The following TENM2 variants were observed in gnomAD, a reference collection of about 807,000 sequenced individuals.
TENM2 encodes teneurin-2.
Under a neutral mutation model 245.2 loss-of-function variants are expected in TENM2, and 52 were observed. The ratio of observed to expected loss-of-function variants is 0.21; its 90% CI spans 0.17 to 0.27. The LOEUF (loss-of-function observed/expected upper bound fraction) is 0.27. TENM2 is among the 10% of genes least tolerant of loss of function. The pLI, the probability that TENM2 is intolerant of heterozygous loss-of-function variation, is 1.00. For synonymous variants in TENM2, 1,363 were observed against 1,438.9 expected, an observed-to-expected ratio of 0.95 and a Z score of 1.19; for missense variants, 3,046 against 3,666.8, an observed-to-expected ratio of 0.83 and a Z score of 4.37.
intron 3 of TENM2, among the ~76,000 whole-genome samples, chr5:167,943,818 A>T (rs1779381559): frequency 6.6e-6 from 1 of 152,096 alleles, no homozygotes; most frequent in African/African-American, 2.4e-5. Context: ...GCAATTGAAA[A>T]ACCCAAAATC....
At chr5:168,158,829 G>GTGTATATATATA (rs1397260649) in intron 12 of TENM2, among the ~76,000 whole-genome samples, 1 of 63,718 alleles carries the variant, frequency 1.6e-5, no homozygotes, top group Non-Finnish European at 3.0e-5. Context: ...GTGTGTGTGT[G>GTGTATATATATA]TATATATATA....
chr5:167,254,855 A>C, the TENM2 span, among the ~76,000 whole-genome samples: 127 of 152,154 alleles, frequency 8.3e-4, no homozygotes, highest in African/African-American at 2.9e-3. Context: ...TTTAGGAAGC[A>C]AGTGAGTGCT....
At chr5:167,995,390 T>C (rs953504332) in intron 5 of TENM2, among the ~76,000 whole-genome samples, 2 of 152,242 alleles carry the variant, frequency 1.3e-5, no homozygotes, top group African/African-American at 2.4e-5. Context: ...TATTAGTTCA[T>C]AATCCATCAT....
At chr5:168,139,315 G>C (rs937941821) in intron 12 of TENM2, among the ~76,000 whole-genome samples, 1 of 152,116 alleles carries the variant, frequency 6.6e-6, no homozygotes, top group African/African-American at 2.4e-5. Flanking sequence ...TTAATCCTCT[G>C]TATATGGCAC....
At chr5:168,190,440 G>A (rs1408336619) in exon 14 of TENM2, 1 of 1,614,010 alleles carries the variant, frequency 6.2e-7, no homozygotes, top group Admixed American at 1.7e-5. Context: ...TCATTCAGCA[G>A]GGCCAGACGG....
chr5:167,300,518 T>G (rs1755245979), intron 1 of TENM2, among the ~76,000 whole-genome samples: 2 of 152,098 alleles, frequency 1.3e-5, no homozygotes, highest in African/African-American at 4.8e-5. Flanking sequence ...TTGTCTGGTT[T>G]TAGGACAGGT....
At chr5:167,907,538 T>C (rs1457426154) in intron 3 of TENM2, among the ~76,000 whole-genome samples, 3 of 62,808 alleles carry the variant, frequency 4.8e-5, no homozygotes, top group Non-Finnish European at 8.0e-5. Context: ...TATATATATA[T>C]ATATATATAT....
intron 3 of TENM2, among the ~76,000 whole-genome samples, chr5:167,930,170 C>G (rs1778168076): frequency 6.6e-6 from 1 of 152,134 alleles, no homozygotes. Flanking sequence ...TTGAGTTTGG[C>G]CTATCTCAGA....
At chr5:167,697,098 G>C (rs1201244355) in intron 2 of TENM2, among the ~76,000 whole-genome samples, 1 of 152,102 alleles carries the variant, frequency 6.6e-6, no homozygotes, top group Non-Finnish European at 1.5e-5. Context: ...CCTGTCTTTA[G>C]ATGCCAATAG....
intron 2 of TENM2, among the ~76,000 whole-genome samples, chr5:167,475,865 A>G (rs192795539): frequency 5.1e-4 from 77 of 152,250 alleles, no homozygotes; most frequent in East Asian, 4.6e-3. Flanking sequence ...TCTATGGTGT[A>G]TATGTGCCAC....
At chr5:167,969,106 A>C (rs779992749) in intron 4 of TENM2, among the ~76,000 whole-genome samples, 8 of 152,186 alleles carry the variant, frequency 5.3e-5, no homozygotes, top group Middle Eastern at 3.2e-3. Context: ...TAGGCACTTT[A>C]CATCATGTTA....
the TENM2 span, among the ~76,000 whole-genome samples, chr5:167,245,900 T>C: frequency 6.6e-6 from 1 of 152,164 alleles, no homozygotes; most frequent in Non-Finnish European, 1.5e-5. Context: ...CCTAATATTC[T>C]TTGTCAGCCC....
chr5:167,463,780 G>A (rs1766476266), intron 2 of TENM2, among the ~76,000 whole-genome samples: 2 of 152,190 alleles, frequency 1.3e-5, no homozygotes, highest in Non-Finnish European at 2.9e-5. Flanking sequence ...ACAGGCATGA[G>A]CCACTGCGCC....
chr5:167,094,830 C>A, the TENM2 span, among the ~76,000 whole-genome samples: 1 of 152,148 alleles, frequency 6.6e-6, no homozygotes, highest in Non-Finnish European at 1.5e-5. Flanking sequence ...AAGTGAATTT[C>A]TCTGCAAAAT....
At chr5:167,229,506 A>G in the TENM2 span, among the ~76,000 whole-genome samples, 31,542 of 152,172 alleles carry the variant, frequency 0.21, 3,825 homozygotes, top group African/African-American at 0.33. Context: ...GTCTAAGCTG[A>G]TGTTGAGGGT....
At position 167,302,047 on chromosome 5, in the gene TENM2, T is replaced by C. The variant is rs190164310; in HGVS notation, c.226+16984T>C. ...TTGGGGTTGGGACTGAGGGGACAGG[T>C]GGGAGGGAAAGAAGGAAGATTTGGG... On this transcript the variant is annotated intron_variant, in intron 1 of 28. Coordinates refer to ENST00000518659, the Ensembl canonical transcript of TENM2. Among the ~76,000 whole-genome samples, 967 of 151,686 alleles carry C rather than the reference T, an allele frequency of 6.4e-3. 1 individual carries two copies. The highest frequency in any genetic ancestry group is 9.9e-3 in the Non-Finnish European group (671 of 67,910).
intron 9 of TENM2, 77 bp from the exon 12 acceptor site, chr5:168,118,215 C>A: frequency 8.0e-7 from 1 of 1,257,348 alleles, no homozygotes; most frequent in Non-Finnish European, 1.1e-6. Flanking sequence ...GGCCAGACAG[C>A]TCTACCTCCT....
chr5:167,855,478 A>C (rs13165876), intron 2 of TENM2, among the ~76,000 whole-genome samples: 105,539 of 151,806 alleles, frequency 0.7, 39,183 homozygotes, highest in Non-Finnish European at 0.82. Flanking sequence ...ATTTATGTTT[A>C]ATTTGCTGTT....
At chr5:167,155,720 C>T in the TENM2 span, among the ~76,000 whole-genome samples, 1 of 152,200 alleles carries the variant, frequency 6.6e-6, no homozygotes, top group African/African-American at 2.4e-5. Flanking sequence ...ATCAAACCAA[C>T]TCAAGAATGC....
Sources: allele counts gnomAD v4.1 joint callset (sites outside exome capture counted in the v4.1 genomes callset), GRCh38; gene constraint gnomAD v4.1.1; transcripts MANE v1.5; gene names NCBI Gene and HGNC (gene_info 2026-07-23, HGNC 2026-07-21).